Variants in PTPRT observed in about 807,000 individuals in gnomAD.
The protein encoded by PTPRT is receptor-type tyrosine-protein phosphatase T.
Under a neutral mutation model 176.8 loss-of-function variants are expected in PTPRT, and 56 were observed. That is an observed-to-expected ratio of 0.32 (90% CI 0.26 to 0.40). The LOEUF (loss-of-function observed/expected upper bound fraction) is 0.40, where lower values mean the gene tolerates loss of function less well. Among genes scored for constraint, PTPRT ranks in the 10% least tolerant of loss-of-function variants. The pLI is 1.00. For synonymous variants in PTPRT, 783 were observed against 739.0 expected, an observed-to-expected ratio of 1.06 and a Z score of -0.96; for missense variants, 1,540 against 1,908.2, an observed-to-expected ratio of 0.81 and a Z score of 3.60.
At chr20:42,068,257 G>T (rs929531666), downstream of PTPRT, among the ~76,000 whole-genome samples, 3 of 152,136 alleles carry the variant, frequency 2.0e-5, no homozygotes, top group Non-Finnish European at 2.9e-5. Flanking sequence ...CTGAGGAAAG[G>T]CACCATGGAC....
chr20:42,344,195 C>T (rs2058154199), intron 11 of PTPRT, among the ~76,000 whole-genome samples: 1 of 152,190 alleles, frequency 6.6e-6, no homozygotes, highest in Non-Finnish European at 1.5e-5. Context: ...GCATCAGGCC[C>T]AGCCCCCAAA....
At chr20:42,920,851 T>C (rs551330035) in intron 1 of PTPRT, among the ~76,000 whole-genome samples, 1 of 152,326 alleles carries the variant, frequency 6.6e-6, no homozygotes, top group African/African-American at 2.4e-5. Flanking sequence ...TTAATTAAAC[T>C]GAGCAATCAT....
At chr20:42,813,478 A>C (rs1359481704) in intron 2 of PTPRT, among the ~76,000 whole-genome samples, 1 of 104,128 alleles carries the variant, frequency 9.6e-6, no homozygotes, top group African/African-American at 3.7e-5. Flanking sequence ...TCCTCCCTTT[A>C]TTTTTTTCAA....
At chr20:42,585,305 T>C (rs1412848434) in intron 7 of PTPRT, among the ~76,000 whole-genome samples, 1 of 152,250 alleles carries the variant, frequency 6.6e-6, no homozygotes, top group African/African-American at 2.4e-5. Context: ...TCTTTTGTTA[T>C]TGAAAGGCTA....
intron 2 of PTPRT, among the ~76,000 whole-genome samples, chr20:42,836,502 T>C (rs1397853): frequency 0.12 from 18,693 of 152,118 alleles, 1,450 homozygotes; most frequent in African/African-American, 0.23. Flanking sequence ...CCAAGCAGAG[T>C]ATTTGAATAT....
intron 17 of PTPRT, among the ~76,000 whole-genome samples, chr20:42,143,509 A>C (rs1325077786): frequency 6.6e-6 from 1 of 150,770 alleles, no homozygotes; most frequent in Non-Finnish European, 1.5e-5. Flanking sequence ...ATGAGCTGAG[A>C]GCACGCTACT....
chr20:43,088,348 G>C (rs1175787543), intron 1 of PTPRT, among the ~76,000 whole-genome samples: 1 of 149,802 alleles, frequency 6.7e-6, no homozygotes, highest in Non-Finnish European at 1.5e-5. Context: ...GTGTGTGTGT[G>C]TGTGTGTGTG....
intron 6 of PTPRT, among the ~76,000 whole-genome samples, chr20:42,719,586 G>A (rs186907282): frequency 2.0e-5 from 3 of 152,230 alleles, no homozygotes; most frequent in Admixed American, 6.5e-5. Flanking sequence ...CTCCAATGTG[G>A]GAATGTTACA....
chr20:43,173,161 G>A (rs1200925468), intron 1 of PTPRT, among the ~76,000 whole-genome samples: 5 of 152,138 alleles, frequency 3.3e-5, no homozygotes. Context: ...TCATGACAGA[G>A]CAGATGGACT....
At chr20:42,108,046 G>T (rs1455304835) in intron 23 of PTPRT, among the ~76,000 whole-genome samples, 1 of 152,140 alleles carries the variant, frequency 6.6e-6, no homozygotes, top group Non-Finnish European at 1.5e-5. Flanking sequence ...AGTATAGGGG[G>T]GGTCACTCGT....
chr20:42,143,282 G>A (rs1375511230), intron 17 of PTPRT, among the ~76,000 whole-genome samples: 3 of 152,146 alleles, frequency 2.0e-5, no homozygotes, highest in Non-Finnish European at 4.4e-5. Flanking sequence ...GTGGCCAGGC[G>A]CGATGGCTCA....
intron 7 of PTPRT, among the ~76,000 whole-genome samples, chr20:42,594,871 C>T (rs779726328): frequency 3.3e-5 from 5 of 152,158 alleles, no homozygotes; most frequent in African/African-American, 7.2e-5. Context: ...TCAAAGCTGA[C>T]GTCAGTGGTA....
intron 1 of PTPRT, among the ~76,000 whole-genome samples, chr20:43,005,257 T>G (rs531447141): frequency 1.3e-5 from 2 of 152,212 alleles, no homozygotes; most frequent in East Asian, 3.9e-4. Context: ...AAGTCCTGAG[T>G]GACAGTCACC....
At chr20:42,601,378 A>G (rs980052853) in intron 7 of PTPRT, among the ~76,000 whole-genome samples, 3 of 152,210 alleles carry the variant, frequency 2.0e-5, no homozygotes, top group African/African-American at 4.8e-5. Flanking sequence ...CATTATCTAC[A>G]AATCGCTTTG....
chr20:42,722,042 C>T (rs2076311151), intron 6 of PTPRT, among the ~76,000 whole-genome samples: 1 of 152,188 alleles, frequency 6.6e-6, no homozygotes, highest in South Asian at 2.1e-4. Context: ...CTTTCCCTTC[C>T]TTGCAGCATC....
intron 6 of PTPRT, among the ~76,000 whole-genome samples, chr20:42,697,582 C>G (rs1409389924): frequency 1.3e-5 from 2 of 152,318 alleles, no homozygotes; most frequent in South Asian, 4.1e-4. Flanking sequence ...TGGGTCTTCA[C>G]ACACACAGCA....
chr20:42,979,893 C>G (rs1197887244), intron 1 of PTPRT, among the ~76,000 whole-genome samples: 1 of 142,272 alleles, frequency 7.0e-6, no homozygotes, highest in Non-Finnish European at 1.5e-5. Flanking sequence ...AAATCTCAGC[C>G]AGAGAACCCA....
chr20:42,330,393 T>C (rs2145432830), intron 11 of PTPRT, among the ~76,000 whole-genome samples: 1 of 152,048 alleles, frequency 6.6e-6, no homozygotes, highest in South Asian at 2.1e-4. Flanking sequence ...GGATAATCAA[T>C]TGAACATGGG....
At chr20:42,590,517 A>G (rs2073550387) in intron 7 of PTPRT, among the ~76,000 whole-genome samples, 1 of 152,132 alleles carries the variant, frequency 6.6e-6, no homozygotes, top group African/African-American at 2.4e-5. Flanking sequence ...GTGGGGACAT[A>G]AAAAAGTAAC....
Sources: gnomAD v4.1 joint callset for allele counts (sites outside exome capture counted in the v4.1 genomes callset) on GRCh38, gnomAD v4.1.1 for gene constraint, MANE v1.5 for transcripts, NCBI Gene and HGNC (gene_info 2026-07-23, HGNC 2026-07-21) for gene names.